EPHB1: variants seen among roughly 807,000 people sequenced by gnomAD.
EPHB1 encodes the protein ephrin type-B receptor 1.
EPHB1 carries 30 observed loss-of-function variants against 94.4 expected under a neutral mutation model. The observed-to-expected ratio is 0.32, with a 90% CI of 0.24 to 0.43. The LOEUF is 0.43. Among genes scored for constraint, EPHB1 ranks in the 20% least tolerant of loss-of-function variants. EPHB1 has a pLI of 1.00. For missense variants in EPHB1, 1,055 were observed against 1,308.3 expected (o/e 0.81, Z 2.99); for synonymous variants, 522 against 489.1 (o/e 1.07, Z -0.89).
intron 11 of EPHB1, 138 bp from the exon 12 acceptor site, chr3:135,201,336 T>C: frequency 1.3e-6 from 1 of 767,234 alleles, no homozygotes; most frequent in Non-Finnish European, 2.2e-6. Context: ...GGGATGGGAG[T>C]GGGAAGAGAG....
chr3:134,806,913 G>A (rs1055363027), intron 1 of EPHB1, among the ~76,000 whole-genome samples: 7 of 152,190 alleles, frequency 4.6e-5, no homozygotes, highest in African/African-American at 1.4e-4. Flanking sequence ...AGTGATGGGC[G>A]CAGGCTTGGA....
chr3:135,129,426 C>T (rs887549829), intron 4 of EPHB1, among the ~76,000 whole-genome samples: 1 of 152,180 alleles, frequency 6.6e-6, no homozygotes, highest in Non-Finnish European at 1.5e-5. Flanking sequence ...TCACTGATTA[C>T]TGCTGCTACT....
intron 3 of EPHB1, among the ~76,000 whole-genome samples, chr3:135,013,726 C>T (rs764348688): frequency 6.6e-6 from 1 of 152,218 alleles, no homozygotes; most frequent in Non-Finnish European, 1.5e-5. Context: ...CCACAACCTC[C>T]CTTGGTAACC....
intron 14 of EPHB1, 47 bp from the exon 15 acceptor site, chr3:135,249,289 A>C: frequency 6.4e-7 from 1 of 1,574,718 alleles, no homozygotes; most frequent in South Asian, 1.2e-5. Context: ...GGCACTGTCC[A>C]TGCATCTCTG....
intron 5 of EPHB1, among the ~76,000 whole-genome samples, chr3:135,145,458 C>G (rs1328780419): frequency 6.6e-6 from 1 of 152,306 alleles, no homozygotes; most frequent in East Asian, 1.9e-4. Flanking sequence ...GTTTGGGTCT[C>G]TCTATAAACT....
At chr3:135,084,961 A>T (rs1354939820) in intron 3 of EPHB1, among the ~76,000 whole-genome samples, 1 of 152,196 alleles carries the variant, frequency 6.6e-6, no homozygotes, top group Non-Finnish European at 1.5e-5. Flanking sequence ...CATTTCACAG[A>T]TGAGTTCTTG....
At chr3:135,191,721 C>T (rs755386314) in intron 10 of EPHB1, among the ~76,000 whole-genome samples, 23 of 151,790 alleles carry the variant, frequency 1.5e-4, no homozygotes, top group African/African-American at 1.9e-4. Context: ...AATGTTTCAA[C>T]GCTGTGGCAT....
chr3:135,163,119 C>T (rs1174402897), intron 7 of EPHB1, among the ~76,000 whole-genome samples: 1 of 152,090 alleles, frequency 6.6e-6, no homozygotes, highest in African/African-American at 2.4e-5. Flanking sequence ...TATTTTAGGC[C>T]AATGCTCTCA....
intron 1 of EPHB1, among the ~76,000 whole-genome samples, chr3:134,810,890 G>A (rs2036159573): frequency 6.6e-6 from 1 of 152,162 alleles, no homozygotes; most frequent in Non-Finnish European, 1.5e-5. Context: ...AGCCTAGCAG[G>A]GTACTGGTTC....
intron 1 of EPHB1, among the ~76,000 whole-genome samples, chr3:134,877,024 C>A (rs978378201): frequency 6.6e-6 from 1 of 152,178 alleles, no homozygotes; most frequent in East Asian, 1.9e-4. Flanking sequence ...CCCCATGGGG[C>A]CTTGGTACCT....
At chr3:134,887,436 G>A (rs1045074975) in intron 1 of EPHB1, among the ~76,000 whole-genome samples, 2 of 152,186 alleles carry the variant, frequency 1.3e-5, no homozygotes, top group African/African-American at 4.8e-5. Context: ...CATTTTTGGA[G>A]GGAAGAATTG....
chr3:135,145,540 G>A (rs1238918859), intron 5 of EPHB1, among the ~76,000 whole-genome samples: 1 of 152,194 alleles, frequency 6.6e-6, no homozygotes, highest in Non-Finnish European at 1.5e-5. Flanking sequence ...TTCACCCAGA[G>A]CAGCTCTGCA....
Position 134,795,287 on chromosome 3 carries a change from G to A in EPHB1, c.-345G>A. ...TCTGGCCGGCTCCGTCCTCCCGTAG[G>A]CTCCGCTGTAGCTAGCAATGTGACA... is the stretch of plus-strand genomic sequence containing the variant. On this transcript the variant is annotated 5_prime_UTR_variant, in exon 1 of 16. Transcript: ENST00000398015. 2.5e-6 allele frequency: 1 copy of A among 405,952 alleles called. No individual in the cohort carries two copies. The highest frequency in any genetic ancestry group is 4.6e-5 in the East Asian group (1 of 21,924). The allele number at this position is 405,952 out of a possible 1,614,324, so 25.1% of individuals were successfully genotyped here. A position where few individuals can be genotyped will look rare whatever the true frequency, so the allele number is the denominator to read the frequency against.
rs545362548 is a variant in EPHB1 at position 134,989,084 on chromosome 3, G to A, written c.805+37032G>A. Among the ~76,000 whole-genome samples the A allele has an allele frequency of 1.1e-4, 17 of 152,312 alleles. 2 individuals are homozygous for A. The South Asian group carries it at 3.5e-3, about 32-fold the overall frequency. ...TTGGACCCCTACAGAGCTCTTTTGAGTAAGTTAAATAAAGATTCCTGCAAG... is the reference window on the plus strand; with the variant it reads ...TTGGACCCCTACAGAGCTCTTTTGAATAAGTTAAATAAAGATTCCTGCAAG... On this transcript the variant is annotated intron_variant, in intron 3 of 15. Coordinates refer to ENST00000398015, the MANE Select transcript of EPHB1 (RefSeq NM_004441.5).
chr3:134,871,751 C>A (rs1362137582), intron 1 of EPHB1, among the ~76,000 whole-genome samples: 1 of 152,144 alleles, frequency 6.6e-6, no homozygotes, highest in Non-Finnish European at 1.5e-5. Flanking sequence ...GTCCTTAGAT[C>A]TCTCTGCTGG....
chr3:134,921,813 CT>C (rs1340803808), intron 1 of EPHB1, among the ~76,000 whole-genome samples: 1 of 152,174 alleles, frequency 6.6e-6, no homozygotes, highest in Non-Finnish European at 1.5e-5. Context: ...CCTCATAATC[CT>C]GCCTACTAGT....
chr3:134,807,531 G>A (rs1048603705), intron 1 of EPHB1, among the ~76,000 whole-genome samples: 5 of 57,472 alleles, frequency 8.7e-5, no homozygotes, highest in African/African-American at 3.1e-4. Context: ...GTGTGCACGT[G>A]TGTGTGTGTG....
chr3:134,957,307 T>C (rs1397916115), intron 3 of EPHB1, among the ~76,000 whole-genome samples: 2 of 152,198 alleles, frequency 1.3e-5, no homozygotes, highest in African/African-American at 4.8e-5. Flanking sequence ...GGACCATGTA[T>C]GTGACTGGTG....
At chr3:135,095,355 A>G (rs906453726) in intron 3 of EPHB1, among the ~76,000 whole-genome samples, 2 of 152,020 alleles carry the variant, frequency 1.3e-5, no homozygotes, top group Non-Finnish European at 2.9e-5. Flanking sequence ...TGAATGAGCA[A>G]TCCCCAATCA....
Sources: gnomAD v4.1 joint callset for allele counts (sites outside exome capture counted in the v4.1 genomes callset) on GRCh38, gnomAD v4.1.1 for gene constraint, MANE v1.5 for transcripts, NCBI Gene and HGNC (gene_info 2026-07-23, HGNC 2026-07-21) for gene names.